The following COL5A2 variants were observed in gnomAD, a reference collection of about 807,000 sequenced individuals.
COL5A2 encodes collagen alpha-2(V) chain.
In COL5A2, 23 loss-of-function variants were observed where a neutral mutation model predicts 208.2. The observed-to-expected ratio is 0.11, with a 90% CI of 0.08 to 0.16. COL5A2 has a LOEUF of 0.16. COL5A2 is among the 10% of genes least tolerant of loss of function. The pLI is 1.00. For synonymous variants in COL5A2, 625 were observed against 628.5 expected, an observed-to-expected ratio of 0.99 and a Z score of 0.08; for missense variants, 1,590 against 1,956.4, an observed-to-expected ratio of 0.81 and a Z score of 3.53.
chr2:189,379,308 A>G, the COL5A2 span, among the ~76,000 whole-genome samples: 2 of 152,174 alleles, frequency 1.3e-5, no homozygotes, highest in South Asian at 4.1e-4. Context: ...AATTCCTAAA[A>G]TATTTCTTCT....
chr2:189,144,848 C>T (rs1301924605), intron 1 of COL5A2, among the ~76,000 whole-genome samples: 2 of 152,004 alleles, frequency 1.3e-5, no homozygotes, highest in African/African-American at 4.8e-5. Flanking sequence ...GGAACAGATG[C>T]TTCATATCTT....
chr2:189,057,284 T>C, intron 34 of COL5A2, 36 bp downstream of exon 34: 1 of 983,350 alleles, frequency 1.0e-6, no homozygotes, highest in South Asian at 2.0e-5. Context: ...TCTGAATAAA[T>C]GAACTGAAAA....
the COL5A2 span, among the ~76,000 whole-genome samples, chr2:189,285,835 T>C: frequency 6.6e-6 from 1 of 152,192 alleles, no homozygotes; most frequent in African/African-American, 2.4e-5. Flanking sequence ...TTTTATCTCT[T>C]ATTAATTATA....
chr2:189,077,994 C>G (rs544713323), intron 16 of COL5A2, among the ~76,000 whole-genome samples: 1 of 152,142 alleles, frequency 6.6e-6, no homozygotes, highest in Non-Finnish European at 1.5e-5. Flanking sequence ...GTTCAAGTTA[C>G]ATAAATAGTC....
At chr2:189,358,152 C>CT in the COL5A2 span, among the ~76,000 whole-genome samples, 1 of 151,908 alleles carries the variant, frequency 6.6e-6, no homozygotes, top group Non-Finnish European at 1.5e-5. Context: ...GAGCTGCAGA[C>CT]TGGAGCTGTT....
chr2:189,033,915 T>G lies in COL5A2; in HGVS notation c.*155A>C. 1.1e-6 allele frequency: 1 copy of G among 883,934 alleles called. No individual in the cohort carries two copies. Among genetic ancestry groups the G allele is most frequent in the South Asian group, 1.4e-5 (1 of 71,516 alleles). 54.8% of individuals were successfully genotyped at this position (883,934 alleles called of 1,614,324 possible). A position where few individuals can be genotyped will look rare whatever the true frequency, so the allele number is the denominator to read the frequency against. On this transcript the variant is annotated 3_prime_UTR_variant, in exon 54 of 54. Coordinates refer to ENST00000374866, the MANE Select transcript of COL5A2 (RefSeq NM_000393.5). Reference sequence around the variant, plus strand: ...TAAGTAAAATAAATATTCTGAAGGATAAGGAGGCCAGGCACTTAAGACCAT... The same window carrying G: ...TAAGTAAAATAAATATTCTGAAGGAGAAGGAGGCCAGGCACTTAAGACCAT...
chr2:189,129,226 C>G (rs943552198), intron 1 of COL5A2, among the ~76,000 whole-genome samples: 1 of 151,864 alleles, frequency 6.6e-6, no homozygotes, highest in Non-Finnish European at 1.5e-5. Flanking sequence ...AGATGGCTAG[C>G]GATACTAAAG....
At position 189,058,280 on chromosome 2, in the gene COL5A2, T is replaced by A. The variant is rs1685944391; in HGVS notation, c.2229+149A>T. ...CTTTAGTTGCAAGGAAAAAGCCTAGTAAGCGCTCATTAAATATTTGTGGAA... is the reference window on the plus strand; with the variant it reads ...CTTTAGTTGCAAGGAAAAAGCCTAGAAAGCGCTCATTAAATATTTGTGGAA... On this transcript the variant is annotated intron_variant, in intron 33 of 53. Transcript: ENST00000374866. The A allele has an allele frequency of 8.2e-6, 6 of 730,714 alleles. No individual in the cohort carries two copies. The South Asian group carries it at 9.5e-5, about 12-fold the overall frequency. 45.3% of individuals were successfully genotyped at this position (730,714 alleles called of 1,614,324 possible). A position where few individuals can be genotyped will look rare whatever the true frequency, so the allele number is the denominator to read the frequency against.
At chr2:189,318,026 T>C in the COL5A2 span, among the ~76,000 whole-genome samples, 2 of 152,206 alleles carry the variant, frequency 1.3e-5, no homozygotes, top group Non-Finnish European at 1.5e-5. Context: ...TTTGTTTGTT[T>C]GTTTGTTTTT....
chr2:189,392,031 T>C, the COL5A2 span, among the ~76,000 whole-genome samples: 1 of 152,180 alleles, frequency 6.6e-6, no homozygotes, highest in Admixed American at 6.5e-5. Context: ...GCCATGGTAA[T>C]ACATGATAAT....
chr2:189,180,143 T>G (rs1688756062), upstream of COL5A2, among the ~76,000 whole-genome samples: 1 of 152,130 alleles, frequency 6.6e-6, no homozygotes, highest in Admixed American at 6.5e-5. Context: ...TTACCCTAGT[T>G]TTTTTACATT....
At chr2:189,208,179 C>G (rs936123551) in intron 1 of COL5A2, among the ~76,000 whole-genome samples, 1 of 152,174 alleles carries the variant, frequency 6.6e-6, no homozygotes, top group Non-Finnish European at 1.5e-5. Flanking sequence ...CCAACCCACC[C>G]TCCTTTGCCT....
chr2:189,234,558 T>C, the COL5A2 span, among the ~76,000 whole-genome samples: 2 of 151,850 alleles, frequency 1.3e-5, no homozygotes, highest in Admixed American at 1.3e-4. Context: ...GTTGACAGCC[T>C]GGTTACATAA....
the COL5A2 span, among the ~76,000 whole-genome samples, chr2:189,232,920 G>A: frequency 2.6e-5 from 4 of 151,664 alleles, no homozygotes; most frequent in African/African-American, 9.7e-5. Context: ...AAATTAAAGG[G>A]TGGGTGGAAT....
At chr2:189,158,137 A>G (rs1005146675) in intron 1 of COL5A2, among the ~76,000 whole-genome samples, 6 of 152,102 alleles carry the variant, frequency 3.9e-5, no homozygotes, top group Non-Finnish European at 7.4e-5. Context: ...GAATCATTAC[A>G]GTAATAGCTA....
At position 189,042,787 on chromosome 2, in the gene COL5A2, C is replaced by CAATAAAA. The variant is rs1553513312; in HGVS notation, c.3472-21_3472-15dup. The CAATAAAA allele has an allele frequency of 1.2e-6, 2 of 1,601,190 alleles. No homozygotes were observed. Among genetic ancestry groups the CAATAAAA allele is most frequent in the Non-Finnish European group, 1.7e-6 (2 of 1,171,940 alleles). ...ACCATTTGGACCCTAAGTAGGAATA[C>CAATAAAA]AATAAAAAATGTTGCCAAAATATTT... is the stretch of plus-strand genomic sequence containing the variant. On this transcript the variant is annotated splice_polypyrimidine_tract_variant and intron_variant, in intron 48 of 53. Transcript: ENST00000374866.
At chr2:189,260,597 C>T in the COL5A2 span, among the ~76,000 whole-genome samples, 1 of 152,140 alleles carries the variant, frequency 6.6e-6, no homozygotes, top group African/African-American at 2.4e-5. Context: ...ACTGCCTGTG[C>T]ACCATGACCT....
intron 40 of COL5A2, 128 bp from the exon 41 acceptor site, chr2:189,052,353 T>C (rs535843424): frequency 5.3e-5 from 48 of 904,648 alleles, no homozygotes; most frequent in Non-Finnish European, 7.6e-5. Flanking sequence ...AGCAATATTT[T>C]TTTTTCTTCG....
At chr2:189,383,976 T>G in the COL5A2 span, among the ~76,000 whole-genome samples, 32 of 152,158 alleles carry the variant, frequency 2.1e-4, no homozygotes, top group African/African-American at 7.5e-4. Context: ...GATCATTTTT[T>G]TAGCTCCCAC....
Sources: gnomAD v4.1 joint callset for allele counts (sites outside exome capture counted in the v4.1 genomes callset) on GRCh38, gnomAD v4.1.1 for gene constraint, MANE v1.5 for transcripts, NCBI Gene and HGNC (gene_info 2026-07-23, HGNC 2026-07-21) for gene names.